The following TMEM131 variants were observed in gnomAD, a reference collection of about 807,000 sequenced individuals.
TMEM131 encodes transmembrane protein 131.
TMEM131 carries 66 observed loss-of-function variants against 211.6 expected under a neutral mutation model. The ratio of observed to expected loss-of-function variants is 0.31; its 90% CI spans 0.26 to 0.38. The LOEUF (loss-of-function observed/expected upper bound fraction) is 0.38. Among genes scored for constraint, TMEM131 ranks in the 10% least tolerant of loss-of-function variants. The pLI is 1.00. For synonymous variants in TMEM131, 844 were observed against 841.3 expected (o/e 1.00, Z -0.06); for missense variants, 2,036 against 2,299.3 (o/e 0.89, Z 2.34).
intron 7 of TMEM131, 136 bp downstream of exon 7, chr2:97,841,679 A>T (rs1055331770): frequency 1.0e-6 from 1 of 1,001,558 alleles, no homozygotes; most frequent in Non-Finnish European, 1.3e-6. Flanking sequence ...CTGTACTAAA[A>T]GTAATACCCC....
At chr2:97,913,148 G>A (rs1205575353) in intron 2 of TMEM131, 1 of 151,932 alleles carries the variant, frequency 6.6e-6, no homozygotes, top group Non-Finnish European at 1.5e-5. Flanking sequence ...CAAATCAGGG[G>A]GCCACTAACA....
intron 31 of TMEM131, among the ~76,000 whole-genome samples, chr2:97,777,555 C>T (rs1679797528): frequency 6.6e-6 from 1 of 152,242 alleles, no homozygotes; most frequent in Non-Finnish European, 1.5e-5. Context: ...CAAACATTTA[C>T]TACCTGGCCC....
chr2:97,952,614 T>C (rs930060138), intron 1 of TMEM131, among the ~76,000 whole-genome samples: 2 of 152,126 alleles, frequency 1.3e-5, no homozygotes, highest in Non-Finnish European at 2.9e-5. Flanking sequence ...CGGTAGCTCA[T>C]GCCTACAACC....
At position 97,834,789 on chromosome 2, in the gene TMEM131, A is replaced by G. The variant is rs1293768339; in HGVS notation, c.941T>C (p.Val314Ala). 6.2e-7 allele frequency: 1 copy of G among 1,613,610 alleles called. No individual in the cohort carries two copies. The highest frequency in any genetic ancestry group is 2.2e-5 in the East Asian group (1 of 44,828). The change falls in exon 9 of 41, where the codon GTT becomes GCT. Residue 314 changes from valine (V) to alanine (A), a missense_variant. Val to Ala is a moderately conservative substitution (Grantham distance 64). Around this residue, in one of 3 missense-constraint regions of TMEM131, gnomAD observed 277 missense variants for 378.0 expected, o/e 0.73. Coordinates refer to ENST00000186436, the MANE Select transcript of TMEM131 (RefSeq NM_015348.2). ...TTTCCACTAACCTGTTGTAACTTCAACCTCAACAGGAAGAATGATAAACTC... is the reference window on the plus strand; with the variant it reads ...TTTCCACTAACCTGTTGTAACTTCAGCCTCAACAGGAAGAATGATAAACTC... ...STEFIILPVE[V>A]EVTTAPGIYS... is the part of the protein sequence containing the mutation.
chr2:97,795,386 A>G (rs370259845), intron 28 of TMEM131, among the ~76,000 whole-genome samples: 1 of 152,152 alleles, frequency 6.6e-6, no homozygotes, highest in African/African-American at 2.4e-5. Flanking sequence ...CCTGAGCTTC[A>G]TGTCCTTCTC....
intron 13 of TMEM131, 96 bp downstream of exon 13, chr2:97,815,103 G>C (rs1681756297): frequency 3.5e-6 from 2 of 576,774 alleles, no homozygotes; most frequent in East Asian, 6.8e-5. Context: ...TCAAGTTTAT[G>C]TGAACGTGGC....
intron 1 of TMEM131, among the ~76,000 whole-genome samples, chr2:97,981,161 A>G (rs1272104385): frequency 1.3e-5 from 2 of 151,906 alleles, no homozygotes; most frequent in Non-Finnish European, 2.9e-5. Context: ...ATCACTAAAA[A>G]GCATATTCTA....
chr2:97,836,347 C>T (rs906357944), intron 8 of TMEM131, among the ~76,000 whole-genome samples: 1 of 152,146 alleles, frequency 6.6e-6, no homozygotes, highest in Admixed American at 6.5e-5. Context: ...ATCCTCAAAC[C>T]TTACTCCTGG....
At chr2:97,886,562 T>A (rs1402406137) in intron 4 of TMEM131, among the ~76,000 whole-genome samples, 2 of 152,214 alleles carry the variant, frequency 1.3e-5, no homozygotes, top group African/African-American at 4.8e-5. Flanking sequence ...TCTGCAAGTA[T>A]CTCAGTAGCC....
rs1061268 is a variant in TMEM131, at chr2:97,812,457, T to C, written c.1827A>G (p.Pro609=). The change falls in exon 17 of 41, where the codon CCA becomes CCG. Residue 609 remains proline (P), a synonymous_variant. Transcript: ENST00000186436. ...GNRTTIISSL[P]EFEKSSLSDQ... ...CTGATAAAGAGGATTTTTCAAACTC[T>C]GGCAGGCTTGAAATTATTGTAGTTC... 4 of 1,612,054 alleles carry C rather than the reference T, an allele frequency of 2.5e-6. No homozygotes were observed. The Admixed American group carries it at 5.0e-5, about 20-fold the overall frequency.
chr2:97,766,405 CACA>C, intron 34 of TMEM131, 70 bp downstream of exon 34: 1 of 1,606,890 alleles, frequency 6.2e-7, no homozygotes, highest in Non-Finnish European at 8.5e-7. Flanking sequence ...ACTGATAATG[CACA>C]ACAATTGTTA....
At chr2:97,856,879 T>G (rs1177660583) in intron 5 of TMEM131, among the ~76,000 whole-genome samples, 1 of 152,214 alleles carries the variant, frequency 6.6e-6, no homozygotes, top group Non-Finnish European at 1.5e-5. Flanking sequence ...TTTGGCTATC[T>G]CCTTTGAGCT....
intron 11 of TMEM131, among the ~76,000 whole-genome samples, chr2:97,832,004 C>CAAAAAAA (rs770432398): frequency 0.12 from 7,156 of 60,116 alleles, 1,207 homozygotes; most frequent in Non-Finnish European, 0.16. Flanking sequence ...AAGTCACTTC[C>CAAAAAAA]AAAAAAAAAA....
At chr2:97,834,335 T>A (rs187887098) in intron 10 of TMEM131, among the ~76,000 whole-genome samples, 18 of 152,308 alleles carry the variant, frequency 1.2e-4, no homozygotes, top group African/African-American at 4.1e-4. Context: ...AGCAACTGGA[T>A]TAAGAAACTA....
rs1353320359 is a variant in TMEM131 at position 97,812,409 on chromosome 2, A to G, written c.1863+12T>C. 4 of 1,594,958 alleles carry G rather than the reference A, an allele frequency of 2.5e-6. No individual in the cohort carries two copies. The highest frequency in any genetic ancestry group is 3.4e-6 in the Non-Finnish European group (4 of 1,174,168). ...CATCTTACTTTAAGGAGACAATAGA[A>G]AGTTTACTTACCGATGATTGATCTG... On this transcript the variant is annotated intron_variant, in intron 17 of 40. Transcript: ENST00000186436.
chr2:97,981,028 CAAAAAAAAAAAAAAAAAAAAAA>C (rs57606185), intron 1 of TMEM131, among the ~76,000 whole-genome samples: 30 of 37,972 alleles, frequency 7.9e-4, no homozygotes, highest in Middle Eastern at 0.021. Context: ...AACTACACAC[CAAAAAAAAAAAAAAAAAAAAAA>C]AAAAAAAAAA....
intron 2 of TMEM131, among the ~76,000 whole-genome samples, chr2:97,926,588 T>C (rs1221771690): frequency 1.3e-5 from 2 of 152,156 alleles, no homozygotes; most frequent in African/African-American, 4.8e-5. Context: ...TTGATACTAC[T>C]TGCCCTCAAC....
chr2:97,801,728 C>T (rs1462123573), intron 25 of TMEM131, among the ~76,000 whole-genome samples, 167 bp downstream of exon 25: 2 of 152,200 alleles, frequency 1.3e-5, no homozygotes, highest in Non-Finnish European at 2.9e-5. Context: ...ATCCCACCTA[C>T]TCTTCCTGAT....
At chr2:97,790,877 C>T (rs368557533) in intron 31 of TMEM131, among the ~76,000 whole-genome samples, 3 of 152,142 alleles carry the variant, frequency 2.0e-5, no homozygotes, top group East Asian at 1.9e-4. Context: ...AATCCGAATG[C>T]GTGTAATTCC....
Sources: allele counts gnomAD v4.1 joint callset (sites outside exome capture counted in the v4.1 genomes callset), GRCh38; gene constraint gnomAD v4.1.1; regional missense constraint gnomAD v4.1.1; transcripts MANE v1.5; gene names NCBI Gene and HGNC (gene_info 2026-07-23, HGNC 2026-07-21).